Variants in FOXO3 observed in about 807,000 individuals in gnomAD.
FOXO3 encodes the protein forkhead box O3.
In FOXO3, 4 loss-of-function variants were observed where a neutral mutation model predicts 41.9. The observed-to-expected ratio is 0.10, with a 90% CI of 0.05 to 0.22. The LOEUF (loss-of-function observed/expected upper bound fraction) is 0.22, where lower values mean the gene tolerates loss of function less well. FOXO3 is among the 10% of genes least tolerant of loss of function. The pLI is 1.00. For synonymous variants in FOXO3, 318 were observed against 389.3 expected (o/e 0.82, Z 2.16); for missense variants, 534 against 906.8 (o/e 0.59, Z 5.28).
chr6:108,591,868 C>A (rs879447329), intron 1 of FOXO3, among the ~76,000 whole-genome samples: 1 of 130,146 alleles, frequency 7.7e-6, no homozygotes, highest in African/African-American at 2.9e-5. Context: ...TAAAGCTAAG[C>A]ACCACCCTCT....
chr6:108,564,182 C>T (rs1393218780), intron 1 of FOXO3, among the ~76,000 whole-genome samples: 4 of 152,208 alleles, frequency 2.6e-5, no homozygotes, highest in East Asian at 1.9e-4. Flanking sequence ...ATAAGATGAT[C>T]TTCATCAAAA....
intron 1 of FOXO3, among the ~76,000 whole-genome samples, chr6:108,568,204 CCTCT>C (rs1193552839): frequency 6.6e-6 from 1 of 150,660 alleles, no homozygotes; most frequent in African/African-American, 2.5e-5. Flanking sequence ...AGAGTGAGAC[CCTCT>C]CTCTCTCTTT....
chr6:108,562,515 A>G (rs1013550442), intron 1 of FOXO3, among the ~76,000 whole-genome samples: 1 of 151,690 alleles, frequency 6.6e-6, no homozygotes, highest in African/African-American at 2.4e-5. Context: ...GGGGCCTCGA[A>G]CCGGCCGGTC....
At chr6:108,581,248 A>C (rs1170905101) in intron 1 of FOXO3, among the ~76,000 whole-genome samples, 2 of 152,196 alleles carry the variant, frequency 1.3e-5, no homozygotes, top group African/African-American at 4.8e-5. Context: ...TGTAACAGGC[A>C]GATGTTGAAA....
chr6:108,582,081 A>G (rs550625830), intron 1 of FOXO3, among the ~76,000 whole-genome samples: 19 of 152,346 alleles, frequency 1.2e-4, no homozygotes, highest in African/African-American at 4.3e-4. Context: ...ATATTATATA[A>G]ACAGTTTTAA....
intron 1 of FOXO3, among the ~76,000 whole-genome samples, chr6:108,563,268 T>C (rs1395999268): frequency 6.6e-6 from 1 of 152,232 alleles, no homozygotes; most frequent in Non-Finnish European, 1.5e-5. Context: ...TTAGATACTT[T>C]AAAAGCAAAA....
At chr6:108,570,484 C>A (rs1278131539) in intron 1 of FOXO3, among the ~76,000 whole-genome samples, 1 of 152,056 alleles carries the variant, frequency 6.6e-6, no homozygotes, top group Non-Finnish European at 1.5e-5. Context: ...CGCCACGACA[C>A]CCAGCTAATT....
intron 1 of FOXO3, among the ~76,000 whole-genome samples, chr6:108,610,014 T>C (rs1394210731): frequency 6.6e-6 from 1 of 152,198 alleles, no homozygotes; most frequent in Non-Finnish European, 1.5e-5. Flanking sequence ...CTGAGTTCCT[T>C]GCAGATTTGG....
chr6:108,597,853 A>G (rs1776929878), intron 1 of FOXO3, among the ~76,000 whole-genome samples: 1 of 152,188 alleles, frequency 6.6e-6, no homozygotes, highest in Non-Finnish European at 1.5e-5. Flanking sequence ...CTTGAGATGT[A>G]TCACAGAGTT....
At chr6:108,599,956 G>C (rs1776997076) in intron 1 of FOXO3, among the ~76,000 whole-genome samples, 1 of 152,206 alleles carries the variant, frequency 6.6e-6, no homozygotes, top group Non-Finnish European at 1.5e-5. Context: ...GGTCCTCTAT[G>C]TGAGGAAGGT....
At chr6:108,656,418 A>G (rs1778689883) in intron 1 of FOXO3, 1 of 985,304 alleles carries the variant, frequency 1.0e-6, no homozygotes, top group East Asian at 1.1e-4. Context: ...AATTTAAGAA[A>G]TTACCAGTTA....
chr6:108,562,171 A>T (rs1775819814), intron 1 of FOXO3, among the ~76,000 whole-genome samples: 1 of 151,272 alleles, frequency 6.6e-6, no homozygotes, highest in Admixed American at 6.6e-5. Flanking sequence ...TTTGGAGTAG[A>T]GTTTACCGTA....
chr6:108,585,869 C>T (rs971244845), intron 1 of FOXO3, among the ~76,000 whole-genome samples: 2 of 152,168 alleles, frequency 1.3e-5, no homozygotes, highest in African/African-American at 4.8e-5. Flanking sequence ...AAGTGGTGGG[C>T]GTGCTGCCCC....
At chr6:108,627,825 T>C (rs1777855330) in intron 1 of FOXO3, among the ~76,000 whole-genome samples, 1 of 152,186 alleles carries the variant, frequency 6.6e-6, no homozygotes, top group South Asian at 2.1e-4. Flanking sequence ...AATCCTCTGC[T>C]TAACAGCTGT....
At chr6:108,660,407 A>C (rs1376502570) in intron 1 of FOXO3, among the ~76,000 whole-genome samples, 1 of 152,226 alleles carries the variant, frequency 6.6e-6, no homozygotes, top group Non-Finnish European at 1.5e-5. Context: ...GATACTCAGC[A>C]TGTTGCTTAT....
chr6:108,614,161 A>G (rs1777433008), intron 1 of FOXO3, among the ~76,000 whole-genome samples: 1 of 152,088 alleles, frequency 6.6e-6, no homozygotes, highest in Admixed American at 6.5e-5. Flanking sequence ...CATGTACTTA[A>G]AAAGAATGTG....
In FOXO3 at chr6:108,683,241, T is replaced by A. The variant is rs1335702563; in HGVS notation, c.*3449T>A. 2 of 152,286 alleles carry A rather than the reference T, an allele frequency of 1.3e-5. No homozygotes were observed. Among genetic ancestry groups the A allele is most frequent in the African/African-American group, 4.8e-5 (2 of 41,436 alleles). 9.4% of individuals were successfully genotyped at this position (152,286 alleles called of 1,614,324 possible). On this transcript the variant is annotated 3_prime_UTR_variant, in exon 3 of 3. Coordinates refer to ENST00000406360, the MANE Select transcript of FOXO3 (RefSeq NM_001455.4). ...CATTGTGTGTGTTGCTTCCCCACCC[T>A]GAGGAGAGGACACCATGGCTTACTA...
chr6:108,628,097 A>G (rs1777863648), intron 1 of FOXO3, among the ~76,000 whole-genome samples: 1 of 151,646 alleles, frequency 6.6e-6, no homozygotes, highest in South Asian at 2.1e-4. Flanking sequence ...ATGTTGGTAA[A>G]AGCATCTGGA....
chr6:108,641,657 G>A (rs1290873872), intron 1 of FOXO3, among the ~76,000 whole-genome samples: 1 of 151,906 alleles, frequency 6.6e-6, no homozygotes, highest in Admixed American at 6.6e-5. Context: ...CGTTCCCCTG[G>A]TGGTTTGGTT....
Sources: gnomAD v4.1 joint callset for allele counts (sites outside exome capture counted in the v4.1 genomes callset) on GRCh38, gnomAD v4.1.1 for gene constraint, MANE v1.5 for transcripts, NCBI Gene and HGNC (gene_info 2026-07-23, HGNC 2026-07-21) for gene names.